The following SIPA1L2 variants were observed in gnomAD, a reference collection of about 807,000 sequenced individuals.
The protein encoded by SIPA1L2 is signal induced proliferation associated 1 like 2.
A neutral mutation model predicts 163.9 loss-of-function variants in SIPA1L2; 56 were observed. The ratio of observed to expected loss-of-function variants is 0.34; its 90% CI spans 0.28 to 0.43. The LOEUF (loss-of-function observed/expected upper bound fraction) is 0.43. Ranked by LOEUF, SIPA1L2 falls within the 20% of genes least tolerant of loss-of-function variation. The pLI, the probability that SIPA1L2 is intolerant of heterozygous loss-of-function variation, is 1.00. For missense variants in SIPA1L2, 1,974 were observed against 2,193.5 expected, an observed-to-expected ratio of 0.90 and a Z score of 2.00; for synonymous variants, 877 against 865.7, an observed-to-expected ratio of 1.01 and a Z score of -0.23.
intron 1 of SIPA1L2, among the ~76,000 whole-genome samples, chr1:232,589,825 T>C (rs1028477678): frequency 1.3e-5 from 2 of 152,210 alleles, no homozygotes; most frequent in African/African-American, 4.8e-5. Flanking sequence ...AAAAATGGCA[T>C]GCTTGAGGTA....
chr1:232,466,649 G>A (rs1321262447), intron 8 of SIPA1L2, among the ~76,000 whole-genome samples: 1 of 152,030 alleles, frequency 6.6e-6, no homozygotes, highest in African/African-American at 2.4e-5. Context: ...AAATTAGCCG[G>A]GCGTGGTGGC....
chr1:232,581,772 A>G (rs758334342), intron 1 of SIPA1L2, among the ~76,000 whole-genome samples: 2 of 152,146 alleles, frequency 1.3e-5, no homozygotes, highest in Non-Finnish European at 2.9e-5. Context: ...AATATGCCCT[A>G]AAGGTTCCTG....
intron 1 of SIPA1L2, among the ~76,000 whole-genome samples, chr1:232,593,470 G>A (rs547714978): frequency 2.6e-4 from 39 of 152,146 alleles, no homozygotes; most frequent in African/African-American, 8.7e-4. Context: ...GGCCTAATCT[G>A]GAGACATTAC....
At chr1:232,519,281 C>G (rs1035008506) in intron 2 of SIPA1L2, among the ~76,000 whole-genome samples, 2 of 152,176 alleles carry the variant, frequency 1.3e-5, no homozygotes, top group African/African-American at 4.8e-5. Context: ...AGGCCCATTC[C>G]CAAACATGGT....
intron 1 of SIPA1L2, among the ~76,000 whole-genome samples, chr1:232,589,830 G>C (rs182556296): frequency 6.6e-6 from 1 of 152,300 alleles, no homozygotes; most frequent in Admixed American, 6.5e-5. Context: ...TGGCATGCTT[G>C]AGGTATAAGA....
At chr1:232,588,527 C>T (rs1660788662) in intron 1 of SIPA1L2, among the ~76,000 whole-genome samples, 1 of 152,140 alleles carries the variant, frequency 6.6e-6, no homozygotes, top group African/African-American at 2.4e-5. Context: ...AAAATAATAC[C>T]TAAAACAGAG....
intron 2 of SIPA1L2, among the ~76,000 whole-genome samples, chr1:232,572,483 CAG>C (rs1008742014): frequency 3.3e-5 from 5 of 152,060 alleles, no homozygotes; most frequent in East Asian, 3.9e-4. Flanking sequence ...TCTTTTCAGG[CAG>C]AGTCTGTGTC....
At position 232,483,976 on chromosome 1, in the gene SIPA1L2, G is replaced by C. The variant is rs753383840; in HGVS notation, c.1807-10C>G. On this transcript the variant is annotated splice_polypyrimidine_tract_variant and intron_variant, in intron 5 of 22. Coordinates refer to ENST00000674635, the MANE Select transcript of SIPA1L2 (RefSeq NM_020808.5). ...TGTGCTGAAAGCTCAGCTGAAATGGGGGAGAAATATAATTACTTGGCAAAG... is the reference window on the plus strand; with the variant it reads ...TGTGCTGAAAGCTCAGCTGAAATGGCGGAGAAATATAATTACTTGGCAAAG... 6.3e-7 allele frequency: 1 copy of C among 1,599,196 alleles called. No individual in the cohort carries two copies. The highest frequency in any genetic ancestry group is 2.2e-5 in the East Asian group (1 of 44,700).
chr1:232,450,030 A>G (rs1219961974), intron 10 of SIPA1L2, among the ~76,000 whole-genome samples: 1 of 151,964 alleles, frequency 6.6e-6, no homozygotes, highest in Non-Finnish European at 1.5e-5. Context: ...TGGTAGCGTT[A>G]ATAGAGTAGA....
chr1:232,403,130 T>C (rs146111557), intron 21 of SIPA1L2, among the ~76,000 whole-genome samples: 3 of 152,330 alleles, frequency 2.0e-5, no homozygotes, highest in African/African-American at 7.2e-5. Flanking sequence ...GTTGCAGTAA[T>C]TCAGCAGCAG....
chr1:232,443,298 G>A (rs768289209), intron 12 of SIPA1L2, among the ~76,000 whole-genome samples: 6 of 152,162 alleles, frequency 3.9e-5, no homozygotes, highest in Non-Finnish European at 7.4e-5. Context: ...GATTTTGAGC[G>A]GCGTTTCCTC....
At chr1:232,467,784 T>A (rs956271610) in intron 8 of SIPA1L2, among the ~76,000 whole-genome samples, 12 of 152,206 alleles carry the variant, frequency 7.9e-5, no homozygotes, top group Admixed American at 2.0e-4. Flanking sequence ...GTAGATCTCA[T>A]GCTACCCTCT....
chr1:232,557,311 T>C (rs1461102951), intron 2 of SIPA1L2, among the ~76,000 whole-genome samples: 1 of 152,194 alleles, frequency 6.6e-6, no homozygotes, highest in East Asian at 1.9e-4. Flanking sequence ...GTCTCTCTAT[T>C]AAGATAAGCC....
At chr1:232,511,260 C>A (rs559371868) in intron 3 of SIPA1L2, among the ~76,000 whole-genome samples, 6 of 152,102 alleles carry the variant, frequency 3.9e-5, no homozygotes, top group Admixed American at 3.3e-4. Context: ...CTGAGGCACA[C>A]CTGAAGCCAA....
At chr1:232,563,956 CGTGTGTGTGTGT>C (rs34854572) in intron 2 of SIPA1L2, among the ~76,000 whole-genome samples, 50 of 72,208 alleles carry the variant, frequency 6.9e-4, no homozygotes, top group African/African-American at 3.0e-3. Flanking sequence ...TTTTTTTTTT[CGTGTGTGTGTGT>C]GTGTGTGTGT....
At chr1:232,500,387 A>G (rs975863364) in intron 3 of SIPA1L2, among the ~76,000 whole-genome samples, 1 of 152,214 alleles carries the variant, frequency 6.6e-6, no homozygotes, top group African/African-American at 2.4e-5. Context: ...TGGGCAGATA[A>G]AATTGGAAGC....
chr1:232,449,422 G>A (rs893484251), intron 10 of SIPA1L2, among the ~76,000 whole-genome samples: 1 of 151,698 alleles, frequency 6.6e-6, no homozygotes, highest in Non-Finnish European at 1.5e-5. Context: ...GGAGGCTGAG[G>A]CAGGAGAATG....
At chr1:232,406,948 T>C (rs999850099) in intron 19 of SIPA1L2, among the ~76,000 whole-genome samples, 1 of 152,226 alleles carries the variant, frequency 6.6e-6, no homozygotes, top group Non-Finnish European at 1.5e-5. Context: ...AAAGTTTTGA[T>C]TCTGACACCT....
chr1:232,527,206 A>G (rs533828196), intron 2 of SIPA1L2, among the ~76,000 whole-genome samples: 1 of 152,358 alleles, frequency 6.6e-6, no homozygotes, highest in East Asian at 1.9e-4. Context: ...TCACTAAATT[A>G]AAAAGCAGAA....
Sources: allele counts gnomAD v4.1 joint callset (sites outside exome capture counted in the v4.1 genomes callset), GRCh38; gene constraint gnomAD v4.1.1; transcripts MANE v1.5; gene names NCBI Gene and HGNC (gene_info 2026-07-23, HGNC 2026-07-21).